ACACA: variants seen among roughly 807,000 people sequenced by gnomAD.
ACACA encodes the protein acetyl-CoA carboxylase alpha.
In ACACA, 103 loss-of-function variants were observed where a neutral mutation model predicts 296.1. That is an observed-to-expected ratio of 0.35 (90% CI 0.30 to 0.41). ACACA has a LOEUF of 0.41. Ranked by LOEUF, ACACA falls within the 10% of genes least tolerant of loss-of-function variation. ACACA has a pLI of 1.00. For synonymous variants in ACACA, 953 were observed against 1,038.6 expected (o/e 0.92, Z 1.58); for missense variants, 1,554 against 2,989.7 (o/e 0.52, Z 11.20).
At chr17:37,126,778 C>A (rs1567692984) in intron 47 of ACACA, among the ~76,000 whole-genome samples, 1 of 152,158 alleles carries the variant, frequency 6.6e-6, no homozygotes, top group African/African-American at 2.4e-5. Flanking sequence ...GCCTCTATGG[C>A]CCCAGTGTAA....
chr17:37,253,161 A>T, intron 14 of ACACA, 125 bp from the exon 15 acceptor site: 1 of 1,349,490 alleles, frequency 7.4e-7, no homozygotes, highest in Middle Eastern at 1.8e-4. Flanking sequence ...GGAGGCCAAG[A>T]CAAGGCGGAT....
rs991333546 is a variant in ACACA at position 37,125,607 on chromosome 17, C to T, written c.6041+91G>A. On this transcript the variant is annotated intron_variant, in intron 48 of 55. Transcript: ENST00000616317. ...TCTCAGACAGTTCAGACAAAGAGAA[C>T]ATTATTGGTATATATCTATAGAGCC... The T allele has an allele frequency of 7.0e-6, 8 of 1,135,838 alleles. No individual in the cohort carries two copies. In the African/African-American group the frequency reaches 1.1e-4, roughly 15 times the overall value. 70.4% of individuals were successfully genotyped at this position (1,135,838 alleles called of 1,614,324 possible).
At chr17:37,383,755 G>A (rs1174585460) in intron 1 of ACACA, among the ~76,000 whole-genome samples, 1 of 152,082 alleles carries the variant, frequency 6.6e-6, no homozygotes, top group Non-Finnish European at 1.5e-5. Flanking sequence ...TTTTGGCCAG[G>A]CTGGTCTCAA....
chr17:37,154,721 T>C (rs2076171526), intron 43 of ACACA, among the ~76,000 whole-genome samples: 1 of 152,180 alleles, frequency 6.6e-6, no homozygotes. Flanking sequence ...GGTCTTGCAC[T>C]CCTGACCTGA....
chr17:37,308,056 A>C (rs2083964177), intron 3 of ACACA, among the ~76,000 whole-genome samples: 1 of 152,196 alleles, frequency 6.6e-6, no homozygotes, highest in Non-Finnish European at 1.5e-5. Context: ...TGTTTATGAA[A>C]CTTTATCAAA....
intron 3 of ACACA, among the ~76,000 whole-genome samples, chr17:37,287,070 C>T (rs1325676103): frequency 6.6e-6 from 1 of 152,146 alleles, no homozygotes; most frequent in Non-Finnish European, 1.5e-5. Context: ...CTGATAGACC[C>T]TCCAAAAGAG....
intron 51 of ACACA, 125 bp from the exon 52 acceptor site, chr17:37,111,768 T>C (rs1236150308): frequency 2.6e-6 from 2 of 755,424 alleles, no homozygotes; most frequent in African/African-American, 1.7e-5. Flanking sequence ...TGCCCACCTA[T>C]GGTTAACAGA....
At chr17:37,357,290 G>A (rs1253723365) in intron 1 of ACACA, among the ~76,000 whole-genome samples, 1 of 152,066 alleles carries the variant, frequency 6.6e-6, no homozygotes, top group African/African-American at 2.4e-5. Context: ...GTCAGGAGTT[G>A]GAGACCAGCC....
At chr17:37,099,664 A>G (rs528994818) in intron 52 of ACACA, among the ~76,000 whole-genome samples, 15 of 113,378 alleles carry the variant, frequency 1.3e-4, no homozygotes, top group African/African-American at 4.5e-4. Context: ...GGGCTGATGG[A>G]GGGAGGGCTG....
chr17:37,175,155 A>C (rs1183963620), intron 41 of ACACA, among the ~76,000 whole-genome samples: 2 of 152,216 alleles, frequency 1.3e-5, no homozygotes, highest in Non-Finnish European at 2.9e-5. Context: ...TTACTGGTCT[A>C]GTTCGCAGAG....
chr17:37,342,940 A>T (rs191843009), intron 1 of ACACA, among the ~76,000 whole-genome samples: 20 of 152,290 alleles, frequency 1.3e-4, no homozygotes, highest in African/African-American at 4.8e-4. Context: ...AAACAAAAAC[A>T]AAAACAAAAA....
At chr17:37,208,964 T>C (rs1351526835) in intron 30 of ACACA, among the ~76,000 whole-genome samples, 2 of 152,244 alleles carry the variant, frequency 1.3e-5, no homozygotes, top group East Asian at 1.9e-4. Flanking sequence ...TCTGGGTACA[T>C]ATTGTACCCT....
At chr17:37,365,368 T>C (rs560020449) in intron 1 of ACACA, 4 of 876,670 alleles carry the variant, frequency 4.6e-6, no homozygotes, top group Admixed American at 6.2e-5. Context: ...TACCCCCTTT[T>C]ATAGCTCTTC....
At chr17:37,290,358 A>G (rs2082988788) in intron 3 of ACACA, among the ~76,000 whole-genome samples, 1 of 152,052 alleles carries the variant, frequency 6.6e-6, no homozygotes, top group African/African-American at 2.4e-5. Context: ...CTGCTCAAAC[A>G]TTTTTGAATG....
chr17:37,244,687 G>A lies in ACACA; in HGVS notation c.2643C>T (p.Leu881=), dbSNP rs2080603925. ...ACACTCGATGGAGTTTCTCGCCTCTGAGTGCCGTGCTCTGGATCCGTGGCA... is the reference window on the plus strand; with the variant it reads ...ACACTCGATGGAGTTTCTCGCCTCTAAGTGCCGTGCTCTGGATCCGTGGCA... ...GSLPRIQSTA[L]RGEKLHRVFH... The change falls in exon 21 of 56, where the codon CTC becomes CTT. Residue 881 remains leucine (L), a synonymous_variant. Coordinates refer to ENST00000616317, the MANE Select transcript of ACACA (RefSeq NM_198834.3). The A allele has an allele frequency of 1.2e-6, 2 of 1,614,180 alleles. No homozygotes were observed. Among genetic ancestry groups the A allele is most frequent in the Non-Finnish European group, 1.7e-6 (2 of 1,180,024 alleles).
At chr17:37,108,758 C>A (rs2073830422) in intron 52 of ACACA, among the ~76,000 whole-genome samples, 1 of 152,148 alleles carries the variant, frequency 6.6e-6, no homozygotes. Flanking sequence ...GCACGCTCCC[C>A]AGTAAAGAGG....
intron 2 of ACACA, among the ~76,000 whole-genome samples, chr17:37,333,207 C>T (rs966971452): frequency 2.0e-5 from 3 of 152,118 alleles, no homozygotes; most frequent in Non-Finnish European, 4.4e-5. Flanking sequence ...TCCTCCATGC[C>T]CATGCAGCAA....
intron 3 of ACACA, chr17:37,299,775 C>A: frequency 4.0e-6 from 4 of 996,990 alleles, no homozygotes; most frequent in Non-Finnish European, 4.8e-6. Flanking sequence ...GCCAGGAGCA[C>A]ATGACAGGGA....
chr17:37,278,159 C>T (rs536122802), intron 5 of ACACA, among the ~76,000 whole-genome samples, 154 bp from the exon 6 acceptor site: 47 of 152,300 alleles, frequency 3.1e-4, no homozygotes, highest in Non-Finnish European at 4.1e-4. Context: ...TAGTTCGAGG[C>T]TCTTAGTTTG....
Sources: allele counts gnomAD v4.1 joint callset (sites outside exome capture counted in the v4.1 genomes callset), GRCh38; gene constraint gnomAD v4.1.1; transcripts MANE v1.5; gene names NCBI Gene and HGNC (gene_info 2026-07-23, HGNC 2026-07-21).